DEPTOR: variants seen among roughly 807,000 people sequenced by gnomAD.
The protein encoded by DEPTOR is DEP domain-containing mTOR-interacting protein.
Under a neutral mutation model 41.6 loss-of-function variants are expected in DEPTOR, and 41 were observed. The observed-to-expected ratio is 0.98, with a 90% CI of 0.77 to 1.28. The LOEUF (loss-of-function observed/expected upper bound fraction) is 1.28. DEPTOR is among the 50% of genes most tolerant of loss of function. DEPTOR has a pLI of 0.00. For synonymous variants in DEPTOR, 195 were observed against 192.3 expected, an observed-to-expected ratio of 1.01 and a Z score of -0.12; for missense variants, 514 against 527.9, an observed-to-expected ratio of 0.97 and a Z score of 0.26.
chr8:119,911,612 CT>C (rs2129787692), intron 1 of DEPTOR, among the ~76,000 whole-genome samples: 1 of 152,268 alleles, frequency 6.6e-6, no homozygotes, highest in East Asian at 1.9e-4. Context: ...GCCACCGTGC[CT>C]GGCCCCTGCT....
At chr8:119,947,012 A>G (rs1025168717) in intron 3 of DEPTOR, among the ~76,000 whole-genome samples, 1 of 152,184 alleles carries the variant, frequency 6.6e-6, no homozygotes, top group Admixed American at 6.5e-5. Flanking sequence ...TGAACCTTGT[A>G]TATCACTTGT....
chr8:120,002,794 ATATAT>A (rs1812373176), intron 5 of DEPTOR, among the ~76,000 whole-genome samples, 178 bp from the exon 6 acceptor site: 1 of 102,756 alleles, frequency 9.7e-6, no homozygotes, highest in Non-Finnish European at 2.0e-5. Context: ...AAAAAAAAAT[ATATAT>A]ATATATATAT....
At chr8:119,984,489 G>C (rs1828805384) in intron 4 of DEPTOR, among the ~76,000 whole-genome samples, 2 of 151,988 alleles carry the variant, frequency 1.3e-5, no homozygotes, top group South Asian at 4.2e-4. Context: ...TCGTTGTTCA[G>C]CTCCCACTTA....
At chr8:119,901,057 G>A (rs1171935824) in intron 1 of DEPTOR, among the ~76,000 whole-genome samples, 1 of 152,162 alleles carries the variant, frequency 6.6e-6, no homozygotes, top group Non-Finnish European at 1.5e-5. Context: ...AAGACTCAGA[G>A]ATTTTAAGAA....
In DEPTOR at chr8:119,992,231, C is replaced by T. The variant is rs563390216; in HGVS notation, c.605-9294C>T. On this transcript the variant is annotated intron_variant, in intron 4 of 8. Coordinates refer to ENST00000286234, the MANE Select transcript of DEPTOR (RefSeq NM_022783.4). ...CCAAAAAAATGATCCTTCACAGAAG[C>T]CCCAGCCACCCTTGTGCACTTGGTG... Among the ~76,000 whole-genome samples the T allele has an allele frequency of 2.0e-5, 3 of 152,318 alleles. No individual in the cohort carries two copies. The South Asian group carries it at 6.2e-4, about 32-fold the overall frequency.
chr8:119,882,121 C>T (rs1827305720), intron 1 of DEPTOR, among the ~76,000 whole-genome samples: 1 of 152,072 alleles, frequency 6.6e-6, no homozygotes, highest in Non-Finnish European at 1.5e-5. Flanking sequence ...GAACTCCTGA[C>T]CTCAGGTTTT....
intron 1 of DEPTOR, chr8:119,874,248 G>T (rs1258821973): frequency 4.6e-6 from 2 of 434,902 alleles, no homozygotes; most frequent in East Asian, 9.6e-5. Context: ...GCCGGGCAAA[G>T]TCCCTGCCAC....
chr8:119,959,323 CA>C (rs979030850), intron 3 of DEPTOR, among the ~76,000 whole-genome samples: 118 of 151,920 alleles, frequency 7.8e-4, no homozygotes, highest in African/African-American at 2.8e-3. Flanking sequence ...CCACCACGCC[CA>C]GCTAATTTTT....
chr8:119,953,789 G>T lies in DEPTOR; in HGVS notation c.426-11443G>T, dbSNP rs1380187237. 2.1e-5 allele frequency among the ~76,000 whole-genome samples: 3 copies of T among 145,148 alleles called. No individual in the cohort carries two copies. In the East Asian group the frequency reaches 6.1e-4, roughly 29 times the overall value. On this transcript the variant is annotated intron_variant, in intron 3 of 8. Coordinates refer to ENST00000286234, the MANE Select transcript of DEPTOR (RefSeq NM_022783.4). Reference sequence around the variant, plus strand: ...TATGACCTACAGTCAAACAAGATAGGTCAGATAGCTTCTTTTTTTTTTTTT... The same window carrying T: ...TATGACCTACAGTCAAACAAGATAGTTCAGATAGCTTCTTTTTTTTTTTTT...
intron 4 of DEPTOR, among the ~76,000 whole-genome samples, chr8:119,976,283 C>A (rs1029235146): frequency 1.3e-5 from 2 of 152,014 alleles, no homozygotes; most frequent in African/African-American, 2.4e-5. Flanking sequence ...CTTTCTTTAC[C>A]CCTAACTAGA....
intron 8 of DEPTOR, among the ~76,000 whole-genome samples, chr8:120,019,291 T>A (rs537327865): frequency 6.6e-6 from 1 of 152,204 alleles, no homozygotes; most frequent in South Asian, 2.1e-4. Context: ...GGCAACAAAG[T>A]GAGACTCTCT....
At chr8:119,916,426 G>A (rs1006110332) in intron 1 of DEPTOR, among the ~76,000 whole-genome samples, 5 of 151,858 alleles carry the variant, frequency 3.3e-5, no homozygotes, top group African/African-American at 1.2e-4. Context: ...CAGCCAACAG[G>A]GATATTATAA....
At chr8:119,938,865 C>G (rs1379471892) in intron 3 of DEPTOR, among the ~76,000 whole-genome samples, 2 of 145,666 alleles carry the variant, frequency 1.4e-5, no homozygotes, top group African/African-American at 5.0e-5. Flanking sequence ...CCCCGTTTCT[C>G]CCTCTCTGCC....
chr8:120,030,317 AT>A (rs1812866202), intron 8 of DEPTOR, among the ~76,000 whole-genome samples: 1 of 151,864 alleles, frequency 6.6e-6, no homozygotes, highest in African/African-American at 2.4e-5. Context: ...ATTAAAAGAA[AT>A]TACTAAAAAA....
intron 8 of DEPTOR, among the ~76,000 whole-genome samples, chr8:120,044,417 G>A (rs1813126262): frequency 6.6e-6 from 1 of 152,148 alleles, no homozygotes; most frequent in Non-Finnish European, 1.5e-5. Context: ...GAGCCACCGT[G>A]CCTAGCCTGG....
intron 3 of DEPTOR, among the ~76,000 whole-genome samples, chr8:119,941,585 G>A (rs575739313): frequency 6.6e-6 from 1 of 152,212 alleles, no homozygotes; most frequent in South Asian, 2.1e-4. Context: ...TTGATCAGAG[G>A]AGTTGAAGAG....
chr8:119,877,849 C>G (rs1322955311), intron 1 of DEPTOR, among the ~76,000 whole-genome samples: 3 of 152,154 alleles, frequency 2.0e-5, no homozygotes, highest in Non-Finnish European at 4.4e-5. Flanking sequence ...ATCGATAAAG[C>G]AAGAAGAGTG....
intron 4 of DEPTOR, among the ~76,000 whole-genome samples, chr8:119,996,975 A>G (rs1812270702): frequency 6.6e-6 from 1 of 152,190 alleles, no homozygotes; most frequent in African/African-American, 2.4e-5. Flanking sequence ...TTTATGTAAA[A>G]ATTTGACTAT....
At chr8:119,949,808 T>C (rs1828329821) in intron 3 of DEPTOR, among the ~76,000 whole-genome samples, 1 of 152,036 alleles carries the variant, frequency 6.6e-6, no homozygotes, top group East Asian at 1.9e-4. Flanking sequence ...GCCTCCTGAG[T>C]AGCTGGGATT....
Sources: allele counts gnomAD v4.1 joint callset (sites outside exome capture counted in the v4.1 genomes callset), GRCh38; gene constraint gnomAD v4.1.1; transcripts MANE v1.5; gene names NCBI Gene and HGNC (gene_info 2026-07-23, HGNC 2026-07-21).